Variants in RBMS3 observed in about 807,000 individuals in gnomAD.
RBMS3 encodes RNA binding motif single stranded interacting protein 3, also known as RNA-binding motif, single-stranded-interacting protein 3.
A neutral mutation model predicts 66.8 loss-of-function variants in RBMS3; 27 were observed. The ratio of observed to expected loss-of-function variants is 0.40; its 90% CI spans 0.30 to 0.56. The LOEUF is 0.56. Among genes scored for constraint, RBMS3 ranks in the 20% least tolerant of loss-of-function variants. The pLI is 0.40. For missense variants in RBMS3, 513 were observed against 549.5 expected, an observed-to-expected ratio of 0.93 and a Z score of 0.66; for synonymous variants, 188 against 183.0, an observed-to-expected ratio of 1.03 and a Z score of -0.22.
chr3:29,779,825 A>G (rs2056564967), intron 6 of RBMS3, among the ~76,000 whole-genome samples: 1 of 150,506 alleles, frequency 6.6e-6, no homozygotes, highest in African/African-American at 2.4e-5. Context: ...TTCTTATGAT[A>G]CTTTGATGTC....
At chr3:29,647,787 A>C (rs2049985521) in intron 4 of RBMS3, among the ~76,000 whole-genome samples, 1 of 152,204 alleles carries the variant, frequency 6.6e-6, no homozygotes, top group Non-Finnish European at 1.5e-5. Context: ...AATGTGTGTG[A>C]TAGTCACACA....
At chr3:29,578,072 CA>C (rs565543924) in intron 3 of RBMS3, among the ~76,000 whole-genome samples, 53 of 152,282 alleles carry the variant, frequency 3.5e-4, no homozygotes, top group African/African-American at 1.3e-3. Context: ...ATCTTTACTA[CA>C]AATGTTTTTG....
At chr3:29,951,894 T>C (rs888670900) in intron 12 of RBMS3, among the ~76,000 whole-genome samples, 3 of 151,694 alleles carry the variant, frequency 2.0e-5, no homozygotes, top group Non-Finnish European at 3.0e-5. Flanking sequence ...ATCATTATGA[T>C]TTTGAGGCCT....
intron 1 of RBMS3, among the ~76,000 whole-genome samples, chr3:29,361,262 G>A (rs1291394911): frequency 6.6e-6 from 1 of 151,952 alleles, no homozygotes; most frequent in African/African-American, 2.4e-5. Context: ...AAATCTCTCA[G>A]CATTTGCTTG....
At chr3:29,667,386 A>G (rs1430888750) in intron 4 of RBMS3, among the ~76,000 whole-genome samples, 1 of 152,198 alleles carries the variant, frequency 6.6e-6, no homozygotes, top group Non-Finnish European at 1.5e-5. Flanking sequence ...TATACCCCTG[A>G]GAACTTGTTT....
intron 4 of RBMS3, among the ~76,000 whole-genome samples, chr3:29,656,185 T>A (rs917042469): frequency 6.6e-6 from 1 of 152,182 alleles, no homozygotes; most frequent in Non-Finnish European, 1.5e-5. Flanking sequence ...AAGTATACAG[T>A]AGTCTACAGC....
chr3:29,531,375 A>T (rs754822207), intron 3 of RBMS3, among the ~76,000 whole-genome samples: 1 of 152,220 alleles, frequency 6.6e-6, no homozygotes, highest in Non-Finnish European at 1.5e-5. Flanking sequence ...CAACCATGAG[A>T]CTTACATGGA....
At chr3:29,736,270 A>G (rs182864325) in intron 4 of RBMS3, among the ~76,000 whole-genome samples, 76 of 152,338 alleles carry the variant, frequency 5.0e-4, no homozygotes, top group Middle Eastern at 3.4e-3. Context: ...TTAAAGAACG[A>G]CACTATCCAA....
chr3:29,964,205 T>C (rs2149743356), intron 12 of RBMS3, among the ~76,000 whole-genome samples: 1 of 152,360 alleles, frequency 6.6e-6, no homozygotes, highest in East Asian at 1.9e-4. Flanking sequence ...TCAGAAATTA[T>C]GTGAAGTATC....
chr3:29,656,955 TG>T (rs1192136766), intron 4 of RBMS3, among the ~76,000 whole-genome samples: 1 of 152,210 alleles, frequency 6.6e-6, no homozygotes, highest in Non-Finnish European at 1.5e-5. Flanking sequence ...TTCCATCCTA[TG>T]GCTCCATCAT....
intron 10 of RBMS3, among the ~76,000 whole-genome samples, chr3:29,932,099 G>A (rs569285682): frequency 6.6e-6 from 1 of 152,182 alleles, no homozygotes; most frequent in Admixed American, 6.5e-5. Flanking sequence ...CAAATATGAA[G>A]GATTCCCAAT....
At chr3:29,992,090 T>C (rs1176895664) in intron 14 of RBMS3, among the ~76,000 whole-genome samples, 1 of 152,134 alleles carries the variant, frequency 6.6e-6, no homozygotes, top group East Asian at 1.9e-4. Flanking sequence ...GCATGCAAAC[T>C]ATTCAACTTT....
At chr3:29,364,247 T>C (rs1240343671) in intron 1 of RBMS3, among the ~76,000 whole-genome samples, 1 of 152,124 alleles carries the variant, frequency 6.6e-6, no homozygotes, top group Non-Finnish European at 1.5e-5. Flanking sequence ...TAAAAATTGA[T>C]TTGTGAGTAT....
intron 3 of RBMS3, among the ~76,000 whole-genome samples, chr3:29,572,457 T>C (rs1028093966): frequency 9.2e-5 from 14 of 152,200 alleles, no homozygotes; most frequent in African/African-American, 3.4e-4. Context: ...ACCTAGTTTT[T>C]TGAGGGTTTT....
intron 4 of RBMS3, among the ~76,000 whole-genome samples, chr3:29,672,456 T>A (rs952875880): frequency 6.6e-6 from 1 of 152,134 alleles, no homozygotes; most frequent in Non-Finnish European, 1.5e-5. Flanking sequence ...TAAATATAAA[T>A]GGGCGAAATG....
chr3:29,486,959 A>G (rs558002212), intron 2 of RBMS3, among the ~76,000 whole-genome samples: 1 of 148,088 alleles, frequency 6.8e-6, no homozygotes, highest in African/African-American at 2.5e-5. Flanking sequence ...CACATATTGT[A>G]TTAATGGTGC....
intron 6 of RBMS3, among the ~76,000 whole-genome samples, chr3:29,810,289 AAATTTTTATTTCTAAC>A (rs2057693625): frequency 6.6e-6 from 1 of 152,122 alleles, no homozygotes; most frequent in Non-Finnish European, 1.5e-5. Context: ...CTCCAGTTAT[AAATTTTTATTTCTAAC>A]TTAAGAAATT....
intron 3 of RBMS3, chr3:29,537,667 A>C (rs2045615978): frequency 2.0e-5 from 3 of 152,296 alleles, no homozygotes; most frequent in African/African-American, 7.2e-5. Context: ...TACTAAAAAT[A>C]CAAAAATTAG....
intron 5 of RBMS3, among the ~76,000 whole-genome samples, chr3:29,745,890 T>C (rs1320280782): frequency 7.7e-6 from 1 of 129,330 alleles, no homozygotes; most frequent in Non-Finnish European, 1.7e-5. Context: ...TTCTTTCTTT[T>C]CATTAAGTAA....
Sources: gnomAD v4.1 joint callset for allele counts (sites outside exome capture counted in the v4.1 genomes callset) on GRCh38, gnomAD v4.1.1 for gene constraint, MANE v1.5 for transcripts, NCBI Gene and HGNC (gene_info 2026-07-23, HGNC 2026-07-21) for gene names.